Variants in TRIM71 observed in about 807,000 individuals in gnomAD.
TRIM71 encodes tripartite motif containing 71, also known as E3 ubiquitin-protein ligase TRIM71.
TRIM71 carries 9 observed loss-of-function variants against 61.2 expected under a neutral mutation model. The ratio of observed to expected loss-of-function variants is 0.15; its 90% CI spans 0.09 to 0.26. The LOEUF (loss-of-function observed/expected upper bound fraction) is 0.26, where lower values mean the gene tolerates loss of function less well. Ranked by LOEUF, TRIM71 falls within the 10% of genes least tolerant of loss-of-function variation. The pLI is 1.00. For missense variants in TRIM71, 998 were observed against 1,238.7 expected, an observed-to-expected ratio of 0.81 and a Z score of 2.92; for synonymous variants, 645 against 553.2, an observed-to-expected ratio of 1.17 and a Z score of -2.33.
Position 32,818,760 on chromosome 3 carries a change from A to G in TRIM71, c.680A>G (p.His227Arg). ...EHLCDNCVRAHQRVRLTKDHY... is the reference protein window; with the variant it reads ...EHLCDNCVRARQRVRLTKDHY... ...CTGTGCGACAACTGCGTCCGAGCGC[A>G]CCAGCGCGTGCGCCTCACCAAGGAC... Residue 227 changes from histidine to arginine, a missense_variant, in exon 1 of 4, where the codon CAC (histidine) becomes CGC (arginine). Coordinates refer to ENST00000383763, the MANE Select transcript of TRIM71 (RefSeq NM_001039111.3). The G allele has an allele frequency of 6.2e-7, 1 of 1,606,102 alleles. No homozygotes were observed.
At chr3:32,853,840 C>T (rs571880904) in intron 1 of TRIM71, among the ~76,000 whole-genome samples, 22 of 152,192 alleles carry the variant, frequency 1.4e-4, no homozygotes, top group East Asian at 9.7e-4. Flanking sequence ...AACCCTATCT[C>T]GACTAAAAAT....
At chr3:32,883,526 CTG>C (rs758997357) in intron 2 of TRIM71, among the ~76,000 whole-genome samples, 20 of 152,218 alleles carry the variant, frequency 1.3e-4, no homozygotes, top group Non-Finnish European at 2.1e-4. Flanking sequence ...TTCTCTGTAT[CTG>C]TGTCTGCACA....
rs34024813 is a variant in TRIM71 at position 32,879,672 on chromosome 3, TAAA to T, written c.1020+5701_1020+5703del. Among the ~76,000 whole-genome samples, 2,560 of 148,074 alleles carry T rather than the reference TAAA, an allele frequency of 0.017. 136 individuals are homozygous for T. In the East Asian group the frequency reaches 0.21, roughly 12 times the overall value. ...GTATTGCCACAAATCTTCAATTTCT[TAAA>T]AAAAAAAAAAAAACTGGCTGAGTAC... On this transcript the variant is annotated intron_variant, in intron 2 of 3. Coordinates refer to ENST00000383763, the MANE Select transcript of TRIM71 (RefSeq NM_001039111.3).
chr3:32,820,289 T>C (rs999431982), intron 1 of TRIM71, among the ~76,000 whole-genome samples: 6 of 152,248 alleles, frequency 3.9e-5, no homozygotes, highest in African/African-American at 1.4e-4. Flanking sequence ...GGCGGAGCTA[T>C]TGCCTGATGG....
chr3:32,850,725 C>G (rs1324097541), intron 1 of TRIM71, among the ~76,000 whole-genome samples: 2 of 152,208 alleles, frequency 1.3e-5, no homozygotes, highest in Admixed American at 6.5e-5. Context: ...GAGAACGCTG[C>G]TAAGCAGGGT....
intron 1 of TRIM71, among the ~76,000 whole-genome samples, chr3:32,840,359 A>G (rs2125678847): frequency 6.6e-6 from 1 of 152,268 alleles, no homozygotes; most frequent in Admixed American, 6.5e-5. Flanking sequence ...AAGGACAGTA[A>G]AATGTTTGCA....
At chr3:32,848,423 C>A (rs1478537188) in intron 1 of TRIM71, among the ~76,000 whole-genome samples, 1 of 152,144 alleles carries the variant, frequency 6.6e-6, no homozygotes, top group Non-Finnish European at 1.5e-5. Context: ...TCACTTCTTT[C>A]CCTGATAACC....
chr3:32,819,479 G>T (rs56236531), intron 1 of TRIM71, among the ~76,000 whole-genome samples: 1,597 of 152,324 alleles, frequency 0.01, 26 homozygotes, highest in African/African-American at 0.036. Context: ...GGGAAGACTG[G>T]TTTTTTTGTT....
Position 32,857,730 on chromosome 3 carries a change from G to C in TRIM71, c.853-16088G>C, listed in dbSNP as rs1435711745. Among the ~76,000 whole-genome samples the C allele has an allele frequency of 2.6e-5, 4 of 152,218 alleles. No individual in the cohort carries two copies. The East Asian group carries it at 5.8e-4, about 22-fold the overall frequency. On this transcript the variant is annotated intron_variant, in intron 1 of 3. Transcript: ENST00000383763. ...TCATGCCTGTAATCCCAGCACTTCAGGAGGCCGACGCAGGTGGATCACTTG... is the reference window on the plus strand; with the variant it reads ...TCATGCCTGTAATCCCAGCACTTCACGAGGCCGACGCAGGTGGATCACTTG...
chr3:32,885,262 C>T (rs557786527), intron 2 of TRIM71, among the ~76,000 whole-genome samples: 100 of 152,118 alleles, frequency 6.6e-4, no homozygotes, highest in African/African-American at 2.4e-3. Context: ...ATGATAACAC[C>T]ATGCCTTCTG....
chr3:32,838,385 C>T (rs1396756489), intron 1 of TRIM71, among the ~76,000 whole-genome samples: 1 of 151,892 alleles, frequency 6.6e-6, no homozygotes, highest in Non-Finnish European at 1.5e-5. Flanking sequence ...CCACCATGCC[C>T]AGCTAATTTT....
At chr3:32,845,940 C>T (rs1408367008) in intron 1 of TRIM71, among the ~76,000 whole-genome samples, 3 of 151,748 alleles carry the variant, frequency 2.0e-5, no homozygotes, top group East Asian at 1.9e-4. Flanking sequence ...AGGCTGGTCT[C>T]GATCTCCTGA....
intron 1 of TRIM71, among the ~76,000 whole-genome samples, chr3:32,864,118 G>A (rs925218579): frequency 5.9e-5 from 9 of 152,206 alleles, no homozygotes; most frequent in Non-Finnish European, 7.3e-5. Flanking sequence ...CCAAGCTGGA[G>A]TGCAGTGGAA....
intron 1 of TRIM71, among the ~76,000 whole-genome samples, chr3:32,840,679 A>G (rs1278312664): frequency 6.6e-6 from 1 of 152,138 alleles, no homozygotes; most frequent in African/African-American, 2.4e-5. Context: ...TACCACCCCC[A>G]ACCCACATGC....
chr3:32,818,356 C>A lies in TRIM71; in HGVS notation c.276C>A (p.Pro92=). 6.8e-7 allele frequency: 1 copy of A among 1,477,102 alleles called. No individual in the cohort carries two copies. The highest frequency in any genetic ancestry group is 8.9e-7 in the Non-Finnish European group (1 of 1,119,182). The allele number at this position is 1,477,102 out of a possible 1,614,324, so 91.5% of individuals were successfully genotyped here. Residue 92 remains proline, a synonymous_variant, in exon 1 of 4, where the codon CCC becomes CCA. Coordinates refer to ENST00000383763, the MANE Select transcript of TRIM71 (RefSeq NM_001039111.3). ...GAGAGCCGCTCAAGCTGCGCTGCCCCGTGTGCGACCAGAAAGTAGTGCTAG... is the reference window on the plus strand; with the variant it reads ...GAGAGCCGCTCAAGCTGCGCTGCCCAGTGTGCGACCAGAAAGTAGTGCTAG... ...AAGEPLKLRC[P]VCDQKVVLAE... is the part of the protein sequence containing the mutation.
chr3:32,887,783 C>T (rs549168280), intron 3 of TRIM71, among the ~76,000 whole-genome samples: 2 of 152,144 alleles, frequency 1.3e-5, no homozygotes, highest in South Asian at 4.2e-4. Flanking sequence ...TTAATCTGTC[C>T]CCACGTGGGC....
rs1413048541 is a variant in TRIM71, at chr3:32,818,379, T to A, written c.299T>A (p.Leu100Gln). Residue 100 changes from leucine to glutamine, a missense_variant, in exon 1 of 4, where the codon CTA becomes CAA. Physicochemically the swap from Leu to Gln is moderately radical, Grantham distance 113 (BLOSUM62 -2). Around this residue, in one of 5 missense-constraint regions of TRIM71, gnomAD observed 527 missense variants for 427.8 expected, o/e 1.23. Coordinates refer to ENST00000383763, the MANE Select transcript of TRIM71 (RefSeq NM_001039111.3). ...RCPVCDQKVV[L>Q]AEAAGMDALP... ...CCCGTGTGCGACCAGAAAGTAGTGC[T>A]AGCCGAGGCGGCGGGTATGGACGCG... The A allele has an allele frequency of 2.7e-6, 4 of 1,478,328 alleles. No individual in the cohort carries two copies. Among genetic ancestry groups the A allele is most frequent in the Non-Finnish European group, 3.6e-6 (4 of 1,119,490 alleles). The allele number at this position is 1,478,328 out of a possible 1,614,324, so 91.6% of individuals were successfully genotyped here. A position where few individuals can be genotyped will look rare whatever the true frequency, so the allele number is the denominator to read the frequency against.
At chr3:32,827,388 G>A (rs1445130257) in intron 1 of TRIM71, among the ~76,000 whole-genome samples, 2 of 150,562 alleles carry the variant, frequency 1.3e-5, no homozygotes, top group African/African-American at 2.4e-5. Context: ...CTCGTCTCAC[G>A]AGTAGCTGGG....
intron 1 of TRIM71, among the ~76,000 whole-genome samples, chr3:32,853,118 CTCTTTTT>C (rs1386473543): frequency 9.0e-6 from 1 of 110,952 alleles, no homozygotes; most frequent in Non-Finnish European, 1.9e-5. Flanking sequence ...CTCTCTCTCT[CTCTTTTT>C]TTTTTTTTTT....
Sources: allele counts gnomAD v4.1 joint callset (sites outside exome capture counted in the v4.1 genomes callset), GRCh38; gene constraint gnomAD v4.1.1; regional missense constraint gnomAD v4.1.1; transcripts MANE v1.5; gene names NCBI Gene and HGNC (gene_info 2026-07-23, HGNC 2026-07-21).